SYNPR: variants seen among roughly 807,000 people sequenced by gnomAD.
SYNPR encodes synaptoporin.
Under a neutral mutation model 32.9 loss-of-function variants are expected in SYNPR, and 23 were observed. The ratio of observed to expected loss-of-function variants is 0.70; its 90% CI spans 0.50 to 0.99. The LOEUF (loss-of-function observed/expected upper bound fraction) is 0.99, where lower values mean the gene tolerates loss of function less well. SYNPR is among the 50% of genes least tolerant of loss of function. SYNPR has a pLI of 0.00. For synonymous variants in SYNPR, 146 were observed against 135.9 expected, an observed-to-expected ratio of 1.07 and a Z score of -0.52; for missense variants, 318 against 349.3, an observed-to-expected ratio of 0.91 and a Z score of 0.71.
chr3:63,492,339 G>T (rs775030231), intron 3 of SYNPR, among the ~76,000 whole-genome samples: 5 of 152,258 alleles, frequency 3.3e-5, no homozygotes, highest in African/African-American at 1.2e-4. Flanking sequence ...TGGATTTAAG[G>T]CTTCCTAAGA....
chr3:63,383,284 T>C (rs1170272563), intron 2 of SYNPR, among the ~76,000 whole-genome samples: 3 of 152,146 alleles, frequency 2.0e-5, no homozygotes, highest in Admixed American at 6.5e-5. Flanking sequence ...AAGGGTTAAA[T>C]TGGAAAAGAG....
chr3:63,471,355 T>C (rs1236695530), intron 2 of SYNPR, among the ~76,000 whole-genome samples: 1 of 152,250 alleles, frequency 6.6e-6, no homozygotes, highest in Non-Finnish European at 1.5e-5. Context: ...TTGCAGTTTT[T>C]ATCTTCACAT....
intron 4 of SYNPR, among the ~76,000 whole-genome samples, chr3:63,599,798 T>G (rs763037410): frequency 2.0e-5 from 3 of 152,232 alleles, no homozygotes; most frequent in African/African-American, 7.2e-5. Flanking sequence ...TGCAATTTTC[T>G]TCTATCAGTG....
intron 3 of SYNPR, among the ~76,000 whole-genome samples, chr3:63,495,558 C>G (rs1188579625): frequency 6.6e-6 from 1 of 152,184 alleles, no homozygotes; most frequent in Non-Finnish European, 1.5e-5. Context: ...TCAACAATCT[C>G]TGTACACGTG....
At chr3:63,568,176 A>C (rs1414923191) in intron 4 of SYNPR, among the ~76,000 whole-genome samples, 2 of 152,254 alleles carry the variant, frequency 1.3e-5, no homozygotes, top group Non-Finnish European at 2.9e-5. Flanking sequence ...GAATTAAATA[A>C]AATAGAAGTT....
chr3:63,376,576 T>G (rs549199040), intron 2 of SYNPR, among the ~76,000 whole-genome samples: 14 of 152,142 alleles, frequency 9.2e-5, no homozygotes, highest in Non-Finnish European at 1.6e-4. Context: ...TGCTGAACTC[T>G]CAGACCTGTT....
At chr3:63,244,268 T>C (rs1246611852) in intron 1 of SYNPR, among the ~76,000 whole-genome samples, 1 of 152,080 alleles carries the variant, frequency 6.6e-6, no homozygotes, top group African/African-American at 2.4e-5. Flanking sequence ...GTAGATATGC[T>C]GGATCTTATC....
intron 2 of SYNPR, chr3:63,443,396 C>T: frequency 6.3e-7 from 1 of 1,589,630 alleles, no homozygotes; most frequent in Admixed American, 1.8e-5. Flanking sequence ...TATGAGACAA[C>T]CTCTATTTTC....
At chr3:63,278,848 T>A in intron 2 of SYNPR, 106 bp downstream of exon 2, 4 of 1,256,828 alleles carry the variant, frequency 3.2e-6, no homozygotes, top group East Asian at 5.3e-5. Context: ...AGCCGGAGAT[T>A]CAACCCTCAA....
rs77719291 is a variant in SYNPR, at chr3:63,446,937, T to C, written c.85-33895T>C. On this transcript the variant is annotated intron_variant, in intron 2 of 5. Transcript: ENST00000478300. Reference sequence around the variant, plus strand: ...AAAAAGTTCAGAGTGCAGTACACAATAAAATACATTTCCAAAATGATAGTC... The same window carrying C: ...AAAAAGTTCAGAGTGCAGTACACAACAAAATACATTTCCAAAATGATAGTC... 6.6e-3 allele frequency among the ~76,000 whole-genome samples: 1,002 copies of C among 152,216 alleles called. 13 individuals are homozygous for C. The highest frequency in any genetic ancestry group is 0.023 in the African/African-American group (937 of 41,550).
intron 3 of SYNPR, among the ~76,000 whole-genome samples, chr3:63,500,010 CA>C (rs1323573434): frequency 6.6e-6 from 1 of 151,914 alleles, no homozygotes; most frequent in African/African-American, 2.4e-5. Context: ...TAAAATTAAA[CA>C]AAAAATATGC....
rs1559546360 is a variant in SYNPR at position 63,595,813 on chromosome 3, AT to A, written c.409-13311del. ...TATATATATATAGTTATATATATAT[AT>A]AGTTTTATATATATATAGTTATATA... On this transcript the variant is annotated intron_variant, in intron 4 of 5. Transcript: ENST00000478300. 2.7e-3 allele frequency among the ~76,000 whole-genome samples: 185 copies of A among 69,212 alleles called. 33 individuals carry two copies. Among genetic ancestry groups the A allele is most frequent in the African/African-American group, 0.011 (177 of 16,660 alleles). The allele number at this position is 69,212 out of a possible 152,430, so 45.4% of individuals were successfully genotyped here. A position where few individuals can be genotyped will look rare whatever the true frequency, so the allele number is the denominator to read the frequency against.
At chr3:63,415,034 C>A (rs1323161270) in intron 2 of SYNPR, among the ~76,000 whole-genome samples, 1 of 152,228 alleles carries the variant, frequency 6.6e-6, no homozygotes, top group Admixed American at 6.5e-5. Flanking sequence ...TAAATAAGTT[C>A]ACTATTAAAA....
intron 2 of SYNPR, among the ~76,000 whole-genome samples, chr3:63,301,455 TTTGTAAGTTGGATTGG>T (rs1400035821): frequency 1.3e-5 from 2 of 152,194 alleles, no homozygotes; most frequent in East Asian, 3.9e-4. Context: ...TTTAGCTATT[TTTGTAAGTTGGATTGG>T]TATGGAAGAA....
At chr3:63,552,751 A>T (rs930037154) in intron 3 of SYNPR, among the ~76,000 whole-genome samples, 1 of 152,196 alleles carries the variant, frequency 6.6e-6, no homozygotes, top group African/African-American at 2.4e-5. Flanking sequence ...TAACATAAAC[A>T]AGTCAATGTA....
At chr3:63,361,440 T>A (rs887854518) in intron 2 of SYNPR, among the ~76,000 whole-genome samples, 9 of 151,260 alleles carry the variant, frequency 6.0e-5, no homozygotes, top group Non-Finnish European at 1.2e-4. Context: ...TAAAAAAAAA[T>A]ACAAAAAATT....
At chr3:63,329,184 A>G (rs181096461) in intron 2 of SYNPR, among the ~76,000 whole-genome samples, 1 of 152,332 alleles carries the variant, frequency 6.6e-6, no homozygotes, top group East Asian at 1.9e-4. Flanking sequence ...AAATATTAAA[A>G]ATAATATTTA....
intron 2 of SYNPR, among the ~76,000 whole-genome samples, chr3:63,448,835 G>A (rs1424399827): frequency 1.3e-5 from 2 of 152,142 alleles, no homozygotes; most frequent in African/African-American, 2.4e-5. Flanking sequence ...TCATGGCCCA[G>A]GATGTGTTTT....
At chr3:63,296,963 G>A (rs1241030158) in intron 2 of SYNPR, among the ~76,000 whole-genome samples, 1 of 152,062 alleles carries the variant, frequency 6.6e-6, no homozygotes, top group African/African-American at 2.4e-5. Context: ...AGGCTAGTGT[G>A]ACTAAGCAAG....
Sources: allele counts gnomAD v4.1 joint callset (sites outside exome capture counted in the v4.1 genomes callset), GRCh38; gene constraint gnomAD v4.1.1; transcripts MANE v1.5; gene names NCBI Gene and HGNC (gene_info 2026-07-23, HGNC 2026-07-21).